The following STXBP6 variants were observed in gnomAD, a reference collection of about 807,000 sequenced individuals.
The protein encoded by STXBP6 is syntaxin-binding protein 6.
Under a neutral mutation model 26.9 loss-of-function variants are expected in STXBP6, and 21 were observed. That is an observed-to-expected ratio of 0.78 (90% CI 0.55 to 1.12). The LOEUF (loss-of-function observed/expected upper bound fraction) is 1.12. STXBP6 is among the 50% of genes most tolerant of loss of function. STXBP6 has a pLI of 0.00. For missense variants in STXBP6, 232 were observed against 257.9 expected (o/e 0.90, Z 0.69); for synonymous variants, 97 against 92.6 (o/e 1.05, Z -0.27).
At chr14:24,862,746 T>C (rs1393357944) in intron 2 of STXBP6, among the ~76,000 whole-genome samples, 1 of 152,178 alleles carries the variant, frequency 6.6e-6, no homozygotes, top group African/African-American at 2.4e-5. Flanking sequence ...TGGGTAAGTC[T>C]TTCAGTAGAA....
chr14:25,010,658 G>A (rs920969667), intron 1 of STXBP6: 3 of 152,204 alleles, frequency 2.0e-5, no homozygotes, highest in African/African-American at 4.8e-5. Flanking sequence ...ACAGAAAGGC[G>A]GAGCCTTAGT....
chr14:24,834,592 A>G (rs953439644), intron 4 of STXBP6, among the ~76,000 whole-genome samples: 6 of 152,206 alleles, frequency 3.9e-5, no homozygotes, highest in Non-Finnish European at 7.3e-5. Context: ...GGAACTTACA[A>G]AGTGGAGAGG....
At chr14:24,850,035 C>G (rs756127589) in intron 4 of STXBP6, among the ~76,000 whole-genome samples, 5 of 152,034 alleles carry the variant, frequency 3.3e-5, no homozygotes, top group Non-Finnish European at 7.4e-5. Flanking sequence ...ACATAAAAAT[C>G]ATGGCAAATG....
chr14:24,909,065 G>GTTAAA (rs2071479560), intron 2 of STXBP6, among the ~76,000 whole-genome samples: 5 of 152,212 alleles, frequency 3.3e-5, no homozygotes, highest in Admixed American at 3.3e-4. Context: ...TATCTTTAGG[G>GTTAAA]ATAAGCAGGA....
chr14:24,906,223 T>G (rs1221382538), intron 2 of STXBP6, among the ~76,000 whole-genome samples: 1 of 152,222 alleles, frequency 6.6e-6, no homozygotes. Flanking sequence ...AATGATATTA[T>G]GTGTTACTTT....
chr14:24,985,512 G>A (rs1165423678), intron 1 of STXBP6, among the ~76,000 whole-genome samples: 1 of 152,140 alleles, frequency 6.6e-6, no homozygotes, highest in African/African-American at 2.4e-5. Flanking sequence ...CCCCACTCTG[G>A]CATTTCAAAA....
intron 1 of STXBP6, among the ~76,000 whole-genome samples, chr14:25,015,460 T>C (rs74037452): frequency 1.1e-4 from 17 of 152,100 alleles, no homozygotes; most frequent in African/African-American, 4.1e-4. Context: ...AATGTCAAGA[T>C]TCCACACCTG....
At chr14:24,961,196 T>C (rs938351742) in intron 2 of STXBP6, among the ~76,000 whole-genome samples, 9 of 152,214 alleles carry the variant, frequency 5.9e-5, no homozygotes, top group African/African-American at 2.2e-4. Context: ...CATGTCACTT[T>C]TAAGTGGGAG....
intron 2 of STXBP6, among the ~76,000 whole-genome samples, chr14:24,915,431 A>G (rs1291231247): frequency 6.6e-6 from 1 of 152,114 alleles, no homozygotes; most frequent in Non-Finnish European, 1.5e-5. Flanking sequence ...TATTACTATT[A>G]TGATTACCAT....
intron 4 of STXBP6, among the ~76,000 whole-genome samples, chr14:24,838,736 T>C (rs985840489): frequency 7.9e-5 from 12 of 152,110 alleles, no homozygotes; most frequent in Non-Finnish European, 1.3e-4. Flanking sequence ...GGCCCTTTCA[T>C]GTCTTATTAA....
intron 2 of STXBP6, among the ~76,000 whole-genome samples, chr14:24,903,819 C>T (rs1175090937): frequency 1.3e-5 from 2 of 152,156 alleles, no homozygotes; most frequent in African/African-American, 4.8e-5. Flanking sequence ...TCAATTTTCT[C>T]ATCTATAAAA....
chr14:25,036,986 T>C (rs545119192), intron 1 of STXBP6, among the ~76,000 whole-genome samples: 2 of 152,302 alleles, frequency 1.3e-5, no homozygotes, highest in South Asian at 2.1e-4. Flanking sequence ...AACAGTGACA[T>C]TATTCATCAG....
chr14:24,953,668 T>C (rs2073244486), intron 2 of STXBP6, among the ~76,000 whole-genome samples: 1 of 152,210 alleles, frequency 6.6e-6, no homozygotes, highest in Non-Finnish European at 1.5e-5. Context: ...CTGATTAATT[T>C]CTCTCTCTCT....
At chr14:24,957,824 GT>G (rs2073392091) in intron 2 of STXBP6, among the ~76,000 whole-genome samples, 1 of 152,182 alleles carries the variant, frequency 6.6e-6, no homozygotes, top group South Asian at 2.1e-4. Context: ...TCAAGTCCAT[GT>G]TTTTACTATT....
Position 24,852,503 on chromosome 14 carries a change from C to T in STXBP6, c.451+3433G>A, listed in dbSNP as rs182331100. Among the ~76,000 whole-genome samples, 327 of 152,106 alleles carry T rather than the reference C, an allele frequency of 2.1e-3. 1 individual carries two copies. Among genetic ancestry groups the T allele is most frequent in the Middle Eastern group, 0.02 (6 of 294 alleles). ...CATTATTTTAGGTTGGCATAGAGTA[C>T]CTGAGAGGCCCTGTAGGCGGCTAGG... On this transcript the variant is annotated intron_variant, in intron 4 of 5. Coordinates refer to ENST00000323944, the MANE Select transcript of STXBP6 (RefSeq NM_001394410.1).
chr14:24,962,769 A>G (rs1420277907), intron 2 of STXBP6, among the ~76,000 whole-genome samples: 1 of 152,100 alleles, frequency 6.6e-6, no homozygotes, highest in Admixed American at 6.6e-5. Flanking sequence ...CCTACCACTC[A>G]CTAGCAGTGT....
chr14:24,825,434 C>T (rs2138829686), intron 4 of STXBP6, among the ~76,000 whole-genome samples: 1 of 152,274 alleles, frequency 6.6e-6, no homozygotes, highest in Non-Finnish European at 1.5e-5. Context: ...GACCAAGAAA[C>T]TTACTTGCTT....
chr14:24,924,177 T>C (rs368376276), intron 2 of STXBP6, among the ~76,000 whole-genome samples: 12 of 152,320 alleles, frequency 7.9e-5, no homozygotes, highest in African/African-American at 2.2e-4. Flanking sequence ...CTGGATGTCA[T>C]CCGTGTGGGG....
chr14:25,043,212 G>T (rs1204897153), intron 1 of STXBP6, among the ~76,000 whole-genome samples: 1 of 152,150 alleles, frequency 6.6e-6, no homozygotes, highest in Non-Finnish European at 1.5e-5. Context: ...GGAGCAACTT[G>T]GAACAAAACC....
Sources: gnomAD v4.1 joint callset for allele counts (sites outside exome capture counted in the v4.1 genomes callset) on GRCh38, gnomAD v4.1.1 for gene constraint, MANE v1.5 for transcripts, NCBI Gene and HGNC (gene_info 2026-07-23, HGNC 2026-07-21) for gene names.